Variants in LEPR observed in about 807,000 individuals in gnomAD.
LEPR encodes leptin receptor.
LEPR carries 56 observed loss-of-function variants against 114.7 expected under a neutral mutation model. The ratio of observed to expected loss-of-function variants is 0.49; its 90% CI spans 0.39 to 0.61. LEPR has a LOEUF of 0.61. Among genes scored for constraint, LEPR ranks in the 20% least tolerant of loss-of-function variants. The probability of loss-of-function intolerance (pLI) is 0.00; values close to 1 mark genes in which losing one functional copy is unlikely to be tolerated. For synonymous variants in LEPR, 443 were observed against 461.4 expected, an observed-to-expected ratio of 0.96 and a Z score of 0.51; for missense variants, 1,202 against 1,352.9, an observed-to-expected ratio of 0.89 and a Z score of 1.75.
At chr1:65,511,980 C>T (rs188500580) in intron 2 of LEPR, among the ~76,000 whole-genome samples, 22 of 152,230 alleles carry the variant, frequency 1.4e-4, no homozygotes, top group African/African-American at 3.9e-4. Flanking sequence ...GTACAGGAAG[C>T]GTAGTGACTT....
chr1:65,490,537 G>A (rs116720559), intron 2 of LEPR, among the ~76,000 whole-genome samples: 4,101 of 151,926 alleles, frequency 0.027, 194 homozygotes, highest in African/African-American at 0.094. Flanking sequence ...ATTCACTGTG[G>A]GTTTTCTGAA....
At chr1:65,421,272 A>G in intron 1 of LEPR, 3 of 1,471,700 alleles carry the variant, frequency 2.0e-6, no homozygotes, top group Non-Finnish European at 2.7e-6. Flanking sequence ...CGTGGAGAGT[A>G]GATTACGTGT....
At chr1:65,534,194 C>T (rs1238684080) in intron 2 of LEPR, among the ~76,000 whole-genome samples, 2 of 151,730 alleles carry the variant, frequency 1.3e-5, no homozygotes, top group East Asian at 3.9e-4. Flanking sequence ...TTTTTATTGC[C>T]ACATTTTAGG....
At position 65,473,651 on chromosome 1, in the gene LEPR, C is replaced by T. The variant is rs577438039; in HGVS notation, c.-21+48273C>T. 9.1e-4 allele frequency among the ~76,000 whole-genome samples: 138 copies of T among 152,282 alleles called. No homozygotes were observed. In the Middle Eastern group the frequency reaches 0.01, roughly 11 times the overall value. Reference sequence around the variant, plus strand: ...AGATTCGGGGCATTTTATCTAACTTCTCAAATTATCAGTTTCTCACTTACA... The same window carrying T: ...AGATTCGGGGCATTTTATCTAACTTTTCAAATTATCAGTTTCTCACTTACA... On this transcript the variant is annotated intron_variant, in intron 2 of 19. Transcript: ENST00000349533.
intron 2 of LEPR, among the ~76,000 whole-genome samples, chr1:65,457,428 A>G (rs1214308231): frequency 2.0e-5 from 3 of 152,008 alleles, no homozygotes; most frequent in African/African-American, 7.3e-5. Context: ...GGAGGTTTCT[A>G]CTGATAGATC....
At chr1:65,576,802 G>T (rs532268254) in intron 5 of LEPR, 2 of 238,930 alleles carry the variant, frequency 8.4e-6, no homozygotes, top group South Asian at 6.4e-5. Flanking sequence ...CCCTTTTTTT[G>T]GAAAATGTGT....
chr1:65,556,978 T>G (rs1652856005), intron 2 of LEPR, among the ~76,000 whole-genome samples: 1 of 152,164 alleles, frequency 6.6e-6, no homozygotes, highest in African/African-American at 2.4e-5. Context: ...AACTGCTATG[T>G]TGATAACTGA....
intron 2 of LEPR, among the ~76,000 whole-genome samples, chr1:65,507,112 G>A (rs1015839384): frequency 7.9e-5 from 12 of 151,934 alleles, no homozygotes; most frequent in Admixed American, 1.3e-4. Flanking sequence ...GTGCAGTGGC[G>A]CAATCTTGGC....
Position 65,626,199 on chromosome 1 carries a change from G to A in LEPR, c.2673+3218G>A, listed in dbSNP as rs768820810. 1.6e-5 allele frequency: 25 copies of A among 1,602,176 alleles called. No homozygotes were observed. In the East Asian group the frequency reaches 2.5e-4, roughly 16 times the overall value. ...ATGCTTGTAGACTACGTCCTACCTC[G>A]CTGCCGCACCTGCTCTCCCTGAGGT... is the stretch of plus-strand genomic sequence containing the variant. On this transcript the variant is annotated intron_variant, in intron 19 of 19. Coordinates refer to ENST00000349533, the MANE Select transcript of LEPR (RefSeq NM_002303.6).
At chr1:65,478,934 A>G (rs1406706788) in intron 2 of LEPR, among the ~76,000 whole-genome samples, 4 of 152,328 alleles carry the variant, frequency 2.6e-5, no homozygotes, top group African/African-American at 9.6e-5. Context: ...CACACCCTAC[A>G]TTTGGTCAGG....
chr1:65,443,172 A>G (rs1472471126), intron 2 of LEPR, among the ~76,000 whole-genome samples: 1 of 152,166 alleles, frequency 6.6e-6, no homozygotes, highest in Non-Finnish European at 1.5e-5. Context: ...TCTATACACT[A>G]TTAGAAAAAA....
intron 2 of LEPR, among the ~76,000 whole-genome samples, chr1:65,472,222 T>C (rs1220080801): frequency 6.6e-6 from 1 of 152,006 alleles, no homozygotes; most frequent in Non-Finnish European, 1.5e-5. Flanking sequence ...ATAAAATCAA[T>C]TCACTAATGT....
At chr1:65,593,570 A>C (rs942641736) in intron 6 of LEPR, among the ~76,000 whole-genome samples, 2 of 152,120 alleles carry the variant, frequency 1.3e-5, no homozygotes, top group Non-Finnish European at 2.9e-5. Flanking sequence ...AATTATATGC[A>C]AACTCTTTAT....
intron 2 of LEPR, among the ~76,000 whole-genome samples, chr1:65,485,349 CT>C (rs893303638): frequency 3.6e-4 from 55 of 151,976 alleles, no homozygotes; most frequent in Non-Finnish European, 1.2e-4. Flanking sequence ...ATATTTTTTT[CT>C]TTTTTAATCA....
intron 11 of LEPR, among the ~76,000 whole-genome samples, chr1:65,607,217 T>C (rs1022505678): frequency 6.6e-6 from 1 of 152,212 alleles, no homozygotes; most frequent in South Asian, 2.1e-4. Context: ...GGTGGTGGTT[T>C]GTTGGTTGGA....
At chr1:65,457,179 C>T (rs1173378953) in intron 2 of LEPR, among the ~76,000 whole-genome samples, 1 of 152,116 alleles carries the variant, frequency 6.6e-6, no homozygotes, top group Non-Finnish European at 1.5e-5. Flanking sequence ...CATATAGATA[C>T]ACATAAGATA....
intron 10 of LEPR, among the ~76,000 whole-genome samples, chr1:65,602,707 C>T (rs1656524759): frequency 6.6e-6 from 1 of 152,026 alleles, no homozygotes; most frequent in African/African-American, 2.4e-5. Flanking sequence ...GTATAACATG[C>T]TCATTTATTC....
At chr1:65,623,166 CAA>C (rs1192399306) in intron 19 of LEPR, 185 bp downstream of exon 19, 1 of 617,234 alleles carries the variant, frequency 1.6e-6, no homozygotes, top group African/African-American at 1.8e-5. Flanking sequence ...CAGGAAGAAA[CAA>C]ATTTCAGCGC....
chr1:65,461,644 A>T (rs1388443086), intron 2 of LEPR, among the ~76,000 whole-genome samples: 3 of 152,242 alleles, frequency 2.0e-5, no homozygotes, highest in African/African-American at 7.2e-5. Context: ...CAAAAAATTT[A>T]TGTAGATACT....
Sources: gnomAD v4.1 joint callset for allele counts (sites outside exome capture counted in the v4.1 genomes callset) on GRCh38, gnomAD v4.1.1 for gene constraint, MANE v1.5 for transcripts, NCBI Gene and HGNC (gene_info 2026-07-23, HGNC 2026-07-21) for gene names.